PDS5A: variants seen among roughly 807,000 people sequenced by gnomAD.
PDS5A encodes PDS5 cohesin associated factor A.
Under a neutral mutation model 167.1 loss-of-function variants are expected in PDS5A, and 42 were observed. The ratio of observed to expected loss-of-function variants is 0.25; its 90% CI spans 0.20 to 0.33. The LOEUF (loss-of-function observed/expected upper bound fraction) is 0.33, where lower values mean the gene tolerates loss of function less well. PDS5A is among the 10% of genes least tolerant of loss of function. PDS5A has a pLI of 1.00. For missense variants in PDS5A, 1,033 were observed against 1,605.9 expected, an observed-to-expected ratio of 0.64 and a Z score of 6.10; for synonymous variants, 553 against 554.6, an observed-to-expected ratio of 1.00 and a Z score of 0.04.
At chr4:39,951,049 G>A (rs765609484) in intron 2 of PDS5A, among the ~76,000 whole-genome samples, 4 of 152,040 alleles carry the variant, frequency 2.6e-5, no homozygotes, top group Non-Finnish European at 5.9e-5. Flanking sequence ...CTACAGGAAT[G>A]CATCACCATA....
At chr4:39,956,813 T>C (rs955203490) in intron 2 of PDS5A, among the ~76,000 whole-genome samples, 12 of 151,886 alleles carry the variant, frequency 7.9e-5, no homozygotes, top group African/African-American at 2.4e-4. Context: ...GGCAGGACTA[T>C]AGGCGCCTGC....
chr4:39,862,773 T>TA, intron 25 of PDS5A, 96 bp downstream of exon 25: 1 of 731,208 alleles, frequency 1.4e-6, no homozygotes, highest in Non-Finnish European at 2.2e-6. Flanking sequence ...AGTTTTATTA[T>TA]AAACTATAAT....
At chr4:39,880,867 C>T (rs945632469) in intron 17 of PDS5A, among the ~76,000 whole-genome samples, 4 of 152,196 alleles carry the variant, frequency 2.6e-5, no homozygotes, top group African/African-American at 9.6e-5. Context: ...TCCTACTGTG[C>T]TATGGAACAC....
At chr4:39,847,383 G>C (rs550585246) in intron 28 of PDS5A, 1 of 152,278 alleles carries the variant, frequency 6.6e-6, no homozygotes, top group African/African-American at 2.4e-5. Context: ...GAGGTGGGTT[G>C]ATCACTTGAG....
rs114991705 is a variant in PDS5A at position 39,924,336 on chromosome 4, T to C, written c.527+1500A>G. Among the ~76,000 whole-genome samples, 832 of 152,376 alleles carry C rather than the reference T, an allele frequency of 5.5e-3. 7 individuals are homozygous for C. The highest frequency in any genetic ancestry group is 0.019 in the African/African-American group (791 of 41,596). ...TAAACTATCAAGTTTTAGGTTACTT[T>C]GTAATGCAGCAAAAGCTAACAAACA... On this transcript the variant is annotated intron_variant, in intron 5 of 32. Coordinates refer to ENST00000303538, the MANE Select transcript of PDS5A (RefSeq NM_001100399.2).
chr4:39,890,481 T>C, intron 16 of PDS5A, 117 bp from the exon 17 acceptor site: 2 of 590,642 alleles, frequency 3.4e-6, no homozygotes, highest in Non-Finnish European at 5.8e-6. Flanking sequence ...AATTGTCTGC[T>C]CTAGACCCTG....
At chr4:39,917,955 C>T (rs1724549155) in intron 7 of PDS5A, among the ~76,000 whole-genome samples, 1 of 152,020 alleles carries the variant, frequency 6.6e-6, no homozygotes, top group African/African-American at 2.4e-5. Flanking sequence ...CGAGGCACGA[C>T]AATCTTGAGC....
intron 32 of PDS5A, among the ~76,000 whole-genome samples, chr4:39,832,675 T>C (rs1473484893): frequency 6.6e-6 from 1 of 151,930 alleles, no homozygotes; most frequent in East Asian, 1.9e-4. Context: ...GCCTGGGCAA[T>C]ACAGCAAGAC....
intron 17 of PDS5A, among the ~76,000 whole-genome samples, chr4:39,888,350 T>C (rs1578674987): frequency 1.3e-5 from 2 of 150,218 alleles, no homozygotes; most frequent in East Asian, 2.0e-4. Context: ...TTGTTGGAAA[T>C]GTAAATTAGC....
rs751145216 is a variant in PDS5A at position 39,874,246 on chromosome 4, AAAAT to A, written c.2277+39_2277+42del. ...ATCTTCATCAAACTATAGAGCTTAA[AAAAT>A]AAAGACCAATATAAACACAACCTAT... is the stretch of plus-strand genomic sequence containing the variant. On this transcript the variant is annotated intron_variant, in intron 20 of 32. Transcript: ENST00000303538. 14 of 1,547,632 alleles carry A rather than the reference AAAAT, an allele frequency of 9.0e-6. No homozygotes were observed. In the Admixed American group the frequency reaches 1.5e-4, roughly 16 times the overall value.
chr4:39,829,929 C>T (rs76937268), intron 32 of PDS5A, among the ~76,000 whole-genome samples: 3,213 of 113,808 alleles, frequency 0.028, 117 homozygotes, highest in East Asian at 0.2. Flanking sequence ...CCAGCCTGGG[C>T]GACAGACTGA....
At position 39,923,640 on chromosome 4, in the gene PDS5A, C is replaced by CACACACACACAAACACACAA. The variant is rs751925466; in HGVS notation, c.528-893_528-892insTTGTGTGTTTGTGTGTGTGT. Among the ~76,000 whole-genome samples, 530 of 128,102 alleles carry CACACACACACAAACACACAA rather than the reference C, an allele frequency of 4.1e-3. 1 individual carries two copies. Among genetic ancestry groups the CACACACACACAAACACACAA allele is most frequent in the African/African-American group, 5.2e-3 (123 of 23,556 alleles). 84.0% of individuals were successfully genotyped at this position (128,102 alleles called of 152,430 possible). ...GACAGACCAAGACCCTGTCTCAAAA[C>CACACACACACAAACACACAA]ACACACACACACACACACACACACA... On this transcript the variant is annotated intron_variant, in intron 5 of 32. Coordinates refer to ENST00000303538, the MANE Select transcript of PDS5A (RefSeq NM_001100399.2).
intron 2 of PDS5A, among the ~76,000 whole-genome samples, chr4:39,947,041 G>A (rs1021500227): frequency 5.9e-5 from 9 of 152,078 alleles, no homozygotes; most frequent in Non-Finnish European, 1.3e-4. Flanking sequence ...CCATGAGTTC[G>A]AGATCAGCCT....
chr4:39,899,231 T>C (rs1402534946), intron 14 of PDS5A, among the ~76,000 whole-genome samples: 1 of 152,136 alleles, frequency 6.6e-6, no homozygotes, highest in Non-Finnish European at 1.5e-5. Flanking sequence ...TTTTCTGCAA[T>C]AGAGTTCTGT....
chr4:39,876,970 C>A, intron 19 of PDS5A, 23 bp downstream of exon 19: 1 of 1,570,818 alleles, frequency 6.4e-7, no homozygotes, highest in Admixed American at 1.8e-5. Context: ...TTGTATTTAC[C>A]ACGGGAGAAA....
Position 39,920,918 on chromosome 4 carries a change from A to G in PDS5A, c.655-519T>C, listed in dbSNP as rs1024507037. 4.6e-5 allele frequency among the ~76,000 whole-genome samples: 7 copies of G among 152,358 alleles called. No individual in the cohort carries two copies. The East Asian group carries it at 9.6e-4, about 21-fold the overall frequency. On this transcript the variant is annotated intron_variant, in intron 6 of 32. Coordinates refer to ENST00000303538, the MANE Select transcript of PDS5A (RefSeq NM_001100399.2). ...CTATGCTCCCGTTTCAAGAGTCCCAATGTACTCAAATAAATTAAAGGATCT... is the reference window on the plus strand; with the variant it reads ...CTATGCTCCCGTTTCAAGAGTCCCAGTGTACTCAAATAAATTAAAGGATCT...
intron 2 of PDS5A, among the ~76,000 whole-genome samples, chr4:39,959,566 G>A (rs1005828854): frequency 1.3e-5 from 2 of 151,882 alleles, no homozygotes; most frequent in African/African-American, 2.4e-5. Flanking sequence ...GCAAACTCTC[G>A]AGCTCAAGTG....
intron 27 of PDS5A, 138 bp from the exon 28 acceptor site, chr4:39,849,108 G>T: frequency 1.5e-6 from 1 of 665,990 alleles, no homozygotes; most frequent in Non-Finnish European, 2.5e-6. Context: ...CCATATTTCT[G>T]TTCAGCACTG....
intron 25 of PDS5A, 26 bp from the exon 26 acceptor site, chr4:39,862,359 A>C: frequency 1.8e-6 from 2 of 1,120,904 alleles, no homozygotes; most frequent in South Asian, 2.9e-5. Flanking sequence ...TATTAAAAAC[A>C]ACCTTTATAA....
Sources: gnomAD v4.1 joint callset for allele counts (sites outside exome capture counted in the v4.1 genomes callset) on GRCh38, gnomAD v4.1.1 for gene constraint, MANE v1.5 for transcripts, NCBI Gene and HGNC (gene_info 2026-07-23, HGNC 2026-07-21) for gene names.